The following RFX3 variants were observed in gnomAD, a reference collection of about 807,000 sequenced individuals.
The protein encoded by RFX3 is regulatory factor X3, also known as transcription factor RFX3.
In RFX3, 14 loss-of-function variants were observed where a neutral mutation model predicts 98.6. That is an observed-to-expected ratio of 0.14 (90% CI 0.09 to 0.22). The LOEUF (loss-of-function observed/expected upper bound fraction) is 0.22, where lower values mean the gene tolerates loss of function less well. Ranked by LOEUF, RFX3 falls within the 10% of genes least tolerant of loss-of-function variation. RFX3 has a pLI of 1.00. For synonymous variants in RFX3, 383 were observed against 328.4 expected (o/e 1.17, Z -1.80); for missense variants, 639 against 926.9 (o/e 0.69, Z 4.03).
At chr9:3,277,229 C>CA (rs148227381) in intron 8 of RFX3, 111 bp downstream of exon 8, 124 of 1,144,196 alleles carry the variant, frequency 1.1e-4, no homozygotes, top group Middle Eastern at 2.1e-4. Context: ...ATTTTGGCAC[C>CA]AAAAAAAATC....
chr9:3,369,135 G>C (rs564990617), intron 2 of RFX3, among the ~76,000 whole-genome samples: 1 of 152,322 alleles, frequency 6.6e-6, no homozygotes, highest in African/African-American at 2.4e-5. Flanking sequence ...AAGAGTGCTG[G>C]AACTATTCGT....
intron 1 of RFX3, among the ~76,000 whole-genome samples, chr9:3,415,279 A>G (rs1458926937): frequency 5.4e-5 from 8 of 149,396 alleles, no homozygotes; most frequent in Non-Finnish European, 1.0e-4. Context: ...CAGTGGTGCA[A>G]TCATGATTCA....
chr9:3,234,600 C>A (rs1418090297), intron 15 of RFX3, among the ~76,000 whole-genome samples: 2 of 152,178 alleles, frequency 1.3e-5, no homozygotes, highest in African/African-American at 4.8e-5. Flanking sequence ...GATCGTGCCA[C>A]TGTACTCCAG....
chr9:3,292,481 G>A (rs763665008), intron 6 of RFX3, among the ~76,000 whole-genome samples: 1 of 152,114 alleles, frequency 6.6e-6, no homozygotes, highest in Non-Finnish European at 1.5e-5. Flanking sequence ...AGAAAAAAAA[G>A]TAGGGGCTAA....
At chr9:3,506,293 AC>A (rs1817089880) in intron 1 of RFX3, among the ~76,000 whole-genome samples, 1 of 151,770 alleles carries the variant, frequency 6.6e-6, no homozygotes, top group African/African-American at 2.4e-5. Flanking sequence ...GCATAGTGCA[AC>A]CCTAATTAAA....
intron 4 of RFX3, among the ~76,000 whole-genome samples, chr9:3,309,410 C>T (rs1829711629): frequency 6.6e-6 from 1 of 152,126 alleles, no homozygotes; most frequent in Non-Finnish European, 1.5e-5. Context: ...AGGCTGAAAA[C>T]TTCCCCAATC....
At chr9:3,319,017 G>C (rs1830955066) in intron 4 of RFX3, among the ~76,000 whole-genome samples, 1 of 152,236 alleles carries the variant, frequency 6.6e-6, no homozygotes. Flanking sequence ...GCACTTGGGA[G>C]TTGGAATTAC....
chr9:3,511,290 T>G (rs1010269766), intron 1 of RFX3, among the ~76,000 whole-genome samples: 3 of 152,078 alleles, frequency 2.0e-5, no homozygotes, highest in African/African-American at 7.2e-5. Flanking sequence ...CTATTTGTTA[T>G]AATACTAGTC....
chr9:3,289,975 A>G (rs948173479), intron 6 of RFX3, among the ~76,000 whole-genome samples: 2 of 152,128 alleles, frequency 1.3e-5, no homozygotes, highest in African/African-American at 4.8e-5. Flanking sequence ...CATGATTTAT[A>G]TTAATTTTCC....
chr9:3,465,135 C>G (rs1450781058), intron 1 of RFX3, among the ~76,000 whole-genome samples: 1 of 152,074 alleles, frequency 6.6e-6, no homozygotes, highest in East Asian at 1.9e-4. Context: ...AGAGGGGAAC[C>G]TTCCCCAAAC....
At chr9:3,505,966 T>C (rs1401961672) in intron 1 of RFX3, among the ~76,000 whole-genome samples, 1 of 151,918 alleles carries the variant, frequency 6.6e-6, no homozygotes, top group Non-Finnish European at 1.5e-5. Context: ...AGTTCACTTC[T>C]TGGCCCCTAC....
intron 1 of RFX3, among the ~76,000 whole-genome samples, chr9:3,468,853 AAAACC>A (rs1363672810): frequency 6.6e-6 from 1 of 151,742 alleles, no homozygotes; most frequent in Non-Finnish European, 1.5e-5. Context: ...AAAAAGAAGA[AAAACC>A]GCATACTTTC....
In RFX3 at chr9:3,374,289, A is replaced by G. The variant is rs150078315; in HGVS notation, c.117+21183T>C. 5.2e-3 allele frequency among the ~76,000 whole-genome samples: 799 copies of G among 152,336 alleles called. 10 individuals carry two copies. The highest frequency in any genetic ancestry group is 8.4e-3 in the Admixed American group (129 of 15,300). ...AGCAGCTCCTCAAAATTTTAAAAAT[A>G]GAATTATCATATGATCCAGCAATTC... On this transcript the variant is annotated intron_variant, in intron 2 of 16. Coordinates refer to ENST00000617270, the MANE Select transcript of RFX3 (RefSeq NM_001282116.2).
intron 1 of RFX3, among the ~76,000 whole-genome samples, chr9:3,423,778 C>CATATACATATATAT (rs1491553405): frequency 2.7e-5 from 3 of 111,054 alleles, no homozygotes; most frequent in African/African-American, 9.5e-5. Context: ...TATATATTTT[C>CATATACATATATAT]ATATATATAT....
At chr9:3,504,738 G>C (rs1037876834) in intron 1 of RFX3, among the ~76,000 whole-genome samples, 21 of 115,650 alleles carry the variant, frequency 1.8e-4, no homozygotes, top group Non-Finnish European at 3.3e-4. Flanking sequence ...TATGCTATAT[G>C]GTATATATTG....
chr9:3,326,118 T>G (rs1011609340), intron 4 of RFX3, among the ~76,000 whole-genome samples: 1 of 152,152 alleles, frequency 6.6e-6, no homozygotes, highest in Non-Finnish European at 1.5e-5. Context: ...AGGAAATGCC[T>G]TTTAAATGTA....
chr9:3,232,373 G>A (rs1321805729), intron 15 of RFX3, among the ~76,000 whole-genome samples: 1 of 152,042 alleles, frequency 6.6e-6, no homozygotes, highest in Non-Finnish European at 1.5e-5. Context: ...GCCCTATCTT[G>A]AGTATCACCA....
At chr9:3,313,799 G>C (rs1409965557) in intron 4 of RFX3, among the ~76,000 whole-genome samples, 2 of 152,162 alleles carry the variant, frequency 1.3e-5, no homozygotes, top group Non-Finnish European at 2.9e-5. Context: ...TGAATGAAGT[G>C]AAGCGAGAAG....
At chr9:3,502,257 C>G (rs1319838893) in intron 1 of RFX3, among the ~76,000 whole-genome samples, 3 of 145,250 alleles carry the variant, frequency 2.1e-5, no homozygotes, top group Non-Finnish European at 4.5e-5. Context: ...GACTCTGTCT[C>G]AAAAGAAAAA....
Sources: allele counts gnomAD v4.1 joint callset (sites outside exome capture counted in the v4.1 genomes callset), GRCh38; gene constraint gnomAD v4.1.1; transcripts MANE v1.5; gene names NCBI Gene and HGNC (gene_info 2026-07-23, HGNC 2026-07-21).